WDFY4: variants seen among roughly 807,000 people sequenced by gnomAD.
WDFY4 encodes the protein WDFY family member 4, also known as WD repeat- and FYVE domain-containing protein 4.
A neutral mutation model predicts 351.9 loss-of-function variants in WDFY4; 169 were observed. The observed-to-expected ratio is 0.48, with a 90% CI of 0.42 to 0.55. The LOEUF is 0.55. WDFY4 is among the 20% of genes least tolerant of loss of function. The probability of loss-of-function intolerance (pLI) is 0.00; values close to 1 mark genes in which losing one functional copy is unlikely to be tolerated. For synonymous variants in WDFY4, 1,622 were observed against 1,574.6 expected, an observed-to-expected ratio of 1.03 and a Z score of -0.71; for missense variants, 3,803 against 3,935.6, an observed-to-expected ratio of 0.97 and a Z score of 0.90.
chr10:48,907,554 G>A (rs1051113456), intron 47 of WDFY4, among the ~76,000 whole-genome samples: 1 of 152,110 alleles, frequency 6.6e-6, no homozygotes, highest in African/African-American at 2.4e-5. Flanking sequence ...GAAAAATAAT[G>A]AAAGACAAAT....
intron 43 of WDFY4, among the ~76,000 whole-genome samples, chr10:48,886,700 G>A (rs964000649): frequency 1.3e-5 from 2 of 152,206 alleles, no homozygotes; most frequent in African/African-American, 4.8e-5. Flanking sequence ...GGGGTATTCT[G>A]TTATAGCAGC....
intron 39 of WDFY4, among the ~76,000 whole-genome samples, chr10:48,835,276 G>A (rs995978026): frequency 6.6e-6 from 1 of 152,192 alleles, no homozygotes; most frequent in African/African-American, 2.4e-5. Context: ...AGGGAGGGGG[G>A]CGAGAGAGGG....
intron 53 of WDFY4, among the ~76,000 whole-genome samples, chr10:48,962,760 A>G (rs1342848799): frequency 1.3e-5 from 2 of 152,172 alleles, no homozygotes; most frequent in African/African-American, 4.8e-5. Context: ...GTAAACTCGG[A>G]TCCAGGCTCC....
chr10:48,931,598 G>A (rs984319071), intron 47 of WDFY4, among the ~76,000 whole-genome samples: 2 of 152,210 alleles, frequency 1.3e-5, no homozygotes, highest in African/African-American at 2.4e-5. Flanking sequence ...TGGGGAAACT[G>A]TGGCCTACTT....
At position 48,976,847 on chromosome 10, in the gene WDFY4, T is replaced by C; in HGVS notation, c.9159T>C (p.Asn3053=). ...AGAHLSLWNV[N]GQPLASITTA... is the part of the protein sequence containing the mutation. ...CACACTTGTCCCTGTGGAATGTCAA[T>C]GGACAGCCCCTGGCCAGCATCACCA... The change falls in exon 59 of 62, where the codon AAT becomes AAC. Residue 3053 remains asparagine, a synonymous_variant. Coordinates refer to ENST00000325239, the MANE Select transcript of WDFY4 (RefSeq NM_001394531.1). 6.5e-7 allele frequency: 1 copy of C among 1,528,650 alleles called. No homozygotes were observed. The allele number at this position is 1,528,650 out of a possible 1,614,324, so 94.7% of individuals were successfully genotyped here.
chr10:48,687,623 T>C (rs1483987716), intron 1 of WDFY4, among the ~76,000 whole-genome samples: 1 of 145,954 alleles, frequency 6.9e-6, no homozygotes, highest in Non-Finnish European at 1.5e-5. Context: ...TTTTTTTTTT[T>C]TTTTTTTTTG....
chr10:48,976,493 T>G (rs4838662), intron 58 of WDFY4: 3,902 of 213,394 alleles, frequency 0.018, 60 homozygotes, highest in South Asian at 0.079. Flanking sequence ...CTGGATCTTC[T>G]GTGGCAGTCA....
chr10:48,901,168 T>C (rs1396215597), intron 46 of WDFY4, among the ~76,000 whole-genome samples: 1 of 152,244 alleles, frequency 6.6e-6, no homozygotes, highest in East Asian at 1.9e-4. Flanking sequence ...TTGTGCTAGT[T>C]CTAGGCGCAC....
intron 5 of WDFY4, among the ~76,000 whole-genome samples, chr10:48,725,002 C>T (rs556689328): frequency 6.6e-6 from 1 of 152,164 alleles, no homozygotes; most frequent in Admixed American, 6.5e-5. Context: ...AACCAGAGAG[C>T]TGAGGGTTGT....
At chr10:48,760,471 A>T in intron 13 of WDFY4, 31 bp downstream of exon 13, 1 of 1,546,914 alleles carries the variant, frequency 6.5e-7, no homozygotes, top group East Asian at 2.4e-5. Flanking sequence ...GTGTTTTGTC[A>T]TCTTCACATG....
chr10:48,980,931 G>A (rs1300753401), intron 60 of WDFY4, among the ~76,000 whole-genome samples: 1 of 152,128 alleles, frequency 6.6e-6, no homozygotes, highest in Non-Finnish European at 1.5e-5. Flanking sequence ...TGGTTGTGGC[G>A]TGAGAGGATT....
At chr10:48,945,931 A>G in intron 49 of WDFY4, 109 bp from the exon 50 acceptor site, 3 of 728,360 alleles carry the variant, frequency 4.1e-6, no homozygotes, top group Non-Finnish European at 6.4e-6. Context: ...GAGGCAGGTC[A>G]GACCAAATGA....
chr10:48,813,642 TTA>T (rs1267761646), intron 30 of WDFY4, among the ~76,000 whole-genome samples: 1 of 152,226 alleles, frequency 6.6e-6, no homozygotes, highest in Non-Finnish European at 1.5e-5. Context: ...TTTGAATTCT[TTA>T]TATGTCTTAT....
At chr10:48,725,759 C>A (rs1477576574) in intron 5 of WDFY4, 122 bp from the exon 6 acceptor site, 1 of 1,072,052 alleles carries the variant, frequency 9.3e-7, no homozygotes, top group Non-Finnish European at 1.3e-6. Flanking sequence ...TGACCCCATT[C>A]AATCCTGTCC....
chr10:48,768,458 GT>G (rs1281991335), intron 13 of WDFY4, among the ~76,000 whole-genome samples: 3 of 152,104 alleles, frequency 2.0e-5, no homozygotes, highest in Non-Finnish European at 4.4e-5. Context: ...GCCTTCACAT[GT>G]GCTGTTTCCT....
intron 47 of WDFY4, among the ~76,000 whole-genome samples, chr10:48,936,950 A>T (rs1040500330): frequency 1.3e-5 from 2 of 150,338 alleles, no homozygotes; most frequent in African/African-American, 4.9e-5. Flanking sequence ...ACATAGTCTC[A>T]CTCTTGTCAC....
chr10:48,766,611 T>A (rs10857635), intron 13 of WDFY4, among the ~76,000 whole-genome samples: 2 of 151,646 alleles, frequency 1.3e-5, no homozygotes, highest in Admixed American at 1.3e-4. Context: ...ACCTAAAAAC[T>A]AAAAACTAAA....
chr10:48,840,352 G>A (rs2068554478), intron 39 of WDFY4, among the ~76,000 whole-genome samples: 1 of 151,482 alleles, frequency 6.6e-6, no homozygotes. Flanking sequence ...ATCCTTTTAG[G>A]TTTTCTGGAC....
chr10:48,891,083 G>A (rs778184542), intron 44 of WDFY4, among the ~76,000 whole-genome samples: 6 of 152,188 alleles, frequency 3.9e-5, no homozygotes, highest in Admixed American at 6.5e-5. Flanking sequence ...AACAGGCACC[G>A]CCCCTCTCTT....
Sources: gnomAD v4.1 joint callset for allele counts (sites outside exome capture counted in the v4.1 genomes callset) on GRCh38, gnomAD v4.1.1 for gene constraint, MANE v1.5 for transcripts, NCBI Gene and HGNC (gene_info 2026-07-23, HGNC 2026-07-21) for gene names.